Variants in SEC14L1 observed in about 807,000 individuals in gnomAD.
The protein encoded by SEC14L1 is SEC14 like lipid binding 1.
Under a neutral mutation model 85.3 loss-of-function variants are expected in SEC14L1, and 48 were observed. That is an observed-to-expected ratio of 0.56 (90% CI 0.45 to 0.72). The LOEUF is 0.72. Ranked by LOEUF, SEC14L1 falls within the 30% of genes least tolerant of loss-of-function variation. SEC14L1 has a pLI of 0.00. For synonymous variants in SEC14L1, 391 were observed against 355.5 expected, an observed-to-expected ratio of 1.10 and a Z score of -1.12; for missense variants, 682 against 921.4, an observed-to-expected ratio of 0.74 and a Z score of 3.36.
chr17:77,197,821 G>T (rs1425478469), intron 8 of SEC14L1, among the ~76,000 whole-genome samples: 2 of 152,294 alleles, frequency 1.3e-5, no homozygotes, highest in Non-Finnish European at 2.9e-5. Context: ...GGCCAGGCTG[G>T]TCTCAAACTC....
intron 5 of SEC14L1, among the ~76,000 whole-genome samples, chr17:77,192,701 C>T (rs1471769807): frequency 1.3e-5 from 2 of 151,714 alleles, no homozygotes; most frequent in South Asian, 2.1e-4. Context: ...CTTGCCCTGT[C>T]GCTCAGGCTG....
At chr17:77,103,534 T>A (rs1353406731) in intron 3 of SEC14L1, among the ~76,000 whole-genome samples, 1 of 150,124 alleles carries the variant, frequency 6.7e-6, no homozygotes, top group Non-Finnish European at 1.5e-5. Context: ...CTCTGCCTCC[T>A]GGGCTCAAGC....
chr17:77,165,084 AT>A (rs765952651), intron 3 of SEC14L1, among the ~76,000 whole-genome samples: 44 of 152,140 alleles, frequency 2.9e-4, no homozygotes, highest in Non-Finnish European at 5.6e-4. Flanking sequence ...CTTTTTCTTC[AT>A]TTATTTTATG....
rs762696555 is a variant in SEC14L1 at position 77,200,677 on chromosome 17, C to T, written c.1009+4C>T. 1.2e-6 allele frequency: 2 copies of T among 1,609,726 alleles called. No homozygotes were observed. The highest frequency in any genetic ancestry group is 1.1e-5 in the South Asian group (1 of 90,420). On this transcript the variant is annotated splice_donor_region_variant and intron_variant, in intron 9 of 16. Transcript: ENST00000436233. Reference sequence around the variant, plus strand: ...GGCTGGCATCATCACGACAAAGGTACCGGATGGAGTTGAAACTGTGTTTCC... The same window carrying T: ...GGCTGGCATCATCACGACAAAGGTATCGGATGGAGTTGAAACTGTGTTTCC...
intron 13 of SEC14L1, among the ~76,000 whole-genome samples, chr17:77,209,058 G>A (rs1976607689): frequency 1.3e-5 from 2 of 152,314 alleles, no homozygotes; most frequent in Middle Eastern, 3.4e-3. Flanking sequence ...ATATGAGTCA[G>A]CTTTAGTAAC....
chr17:77,200,453 A>G (rs754030998), intron 8 of SEC14L1, 31 bp from the exon 9 acceptor site: 36 of 1,593,516 alleles, frequency 2.3e-5, no homozygotes, highest in East Asian at 1.3e-4. Flanking sequence ...AACTTTTAAC[A>G]TTGCTTAGAA....
intron 3 of SEC14L1, among the ~76,000 whole-genome samples, chr17:77,102,925 C>G (rs1203715223): frequency 3.3e-5 from 5 of 152,056 alleles, no homozygotes; most frequent in Non-Finnish European, 5.9e-5. Flanking sequence ...ACTCAGCCTC[C>G]CAAGTAGCTG....
intron 2 of SEC14L1, among the ~76,000 whole-genome samples, chr17:77,091,574 T>G (rs1412564994): frequency 2.6e-5 from 4 of 152,224 alleles, no homozygotes; most frequent in Admixed American, 6.5e-5. Flanking sequence ...ATTTGGTGAC[T>G]GTGAGTCCAC....
At position 77,216,110 on chromosome 17, in the gene SEC14L1, C is replaced by A. The variant is rs111219013; in HGVS notation, c.*2087C>A. 2.3e-4 allele frequency: 183 copies of A among 797,872 alleles called. No individual in the cohort carries two copies. The African/African-American group carries it at 4.6e-3, about 20-fold the overall frequency. The allele number at this position is 797,872 out of a possible 1,614,324, so 49.4% of individuals were successfully genotyped here. ...GTAGGTAGGGCTAGTAGGTAGGGTT[C>A]GTAGGTAGGGTTAGTAGGTAGGGCT... On this transcript the variant is annotated 3_prime_UTR_variant, in exon 17 of 17. Coordinates refer to ENST00000436233, the MANE Select transcript of SEC14L1 (RefSeq NM_001143998.2).
Position 77,214,902 on chromosome 17 carries a change from C to A in SEC14L1, c.*879C>A, listed in dbSNP as rs1294905560. Reference sequence around the variant, plus strand: ...GTCCTCAGAGCCCAGACAGTTCCAGCCACTAGGAGGCCGTCTTGGAACCAG... The same window carrying A: ...GTCCTCAGAGCCCAGACAGTTCCAGACACTAGGAGGCCGTCTTGGAACCAG... On this transcript the variant is annotated 3_prime_UTR_variant, in exon 17 of 17. Transcript: ENST00000436233. 3.0e-6 allele frequency: 3 copies of A among 985,448 alleles called. No individual in the cohort carries two copies. In the African/African-American group the frequency reaches 5.2e-5, roughly 17 times the overall value. The allele number at this position is 985,448 out of a possible 1,614,324, so 61.0% of individuals were successfully genotyped here.
intron 3 of SEC14L1, among the ~76,000 whole-genome samples, chr17:77,104,085 A>T (rs945811677): frequency 2.0e-5 from 3 of 151,510 alleles, no homozygotes; most frequent in Non-Finnish European, 4.4e-5. Flanking sequence ...TCATCAAAGC[A>T]GAGACCGTAT....
chr17:77,125,150 GC>G (rs937124929), intron 3 of SEC14L1, among the ~76,000 whole-genome samples: 1 of 151,378 alleles, frequency 6.6e-6, no homozygotes, highest in African/African-American at 2.4e-5. Flanking sequence ...GACTACAGGC[GC>G]CCGCCCGGCT....
intron 3 of SEC14L1, among the ~76,000 whole-genome samples, chr17:77,156,653 C>CT (rs1689432486): frequency 6.7e-6 from 1 of 149,848 alleles, no homozygotes; most frequent in Admixed American, 6.6e-5. Flanking sequence ...CACTTCTTCT[C>CT]TGTCAGTGAA....
intron 3 of SEC14L1, among the ~76,000 whole-genome samples, chr17:77,174,967 A>G (rs570682082): frequency 3.9e-5 from 6 of 152,314 alleles, no homozygotes; most frequent in African/African-American, 1.4e-4. Context: ...CCAGTTGGCT[A>G]AGACTTAAAA....
chr17:77,216,335 G>A lies in SEC14L1; in HGVS notation c.*2312G>A, dbSNP rs1424973983. ...GTAGGGCTAGTAGGTAGGGCTAGTA[G>A]GTAGGGTTAGTAGGTAGGGCTAGTA... On this transcript the variant is annotated 3_prime_UTR_variant, in exon 17 of 17. Transcript: ENST00000436233. 7.5e-7 allele frequency: 1 copy of A among 1,337,846 alleles called. No homozygotes were observed. The highest frequency in any genetic ancestry group is 9.6e-7 in the Non-Finnish European group (1 of 1,043,380). 82.9% of individuals were successfully genotyped at this position (1,337,846 alleles called of 1,614,324 possible).
At chr17:77,169,547 T>G (rs1297502000) in intron 3 of SEC14L1, among the ~76,000 whole-genome samples, 1 of 152,240 alleles carries the variant, frequency 6.6e-6, no homozygotes, top group Non-Finnish European at 1.5e-5. Flanking sequence ...ATTTAATCCA[T>G]TCCAGCCAGG....
intron 11 of SEC14L1, among the ~76,000 whole-genome samples, 194 bp downstream of exon 11, chr17:77,205,540 G>A (rs1051873902): frequency 5.9e-5 from 9 of 152,194 alleles, no homozygotes; most frequent in Admixed American, 3.9e-4. Context: ...TTGCTGTGAC[G>A]TCAGCCAGAG....
chr17:77,194,700 C>G lies in SEC14L1; in HGVS notation c.498C>G (p.Tyr166Ter). The part of the protein sequence containing the change: ...IKKGKEIIEY[Y>*]LRQLEEEGIT... ...AGGGAAAGGAAATCATCGAATACTACCTTCGCCAATTAGAAGAAGAAGGCA... is the reference window on the plus strand; with the variant it reads ...AGGGAAAGGAAATCATCGAATACTAGCTTCGCCAATTAGAAGAAGAAGGCA... The change falls in exon 7 of 17, where the codon TAC becomes TAG. Residue 166 changes from tyrosine (Y) to a stop codon, truncating the protein, a stop_gained. Coordinates refer to ENST00000436233, the MANE Select transcript of SEC14L1 (RefSeq NM_001143998.2). LOFTEE classifies it high-confidence loss of function. 1.6e-5 allele frequency: 26 copies of G among 1,614,058 alleles called. No homozygotes were observed. The highest frequency in any genetic ancestry group is 2.2e-5 in the Non-Finnish European group (26 of 1,179,926).
intron 3 of SEC14L1, chr17:77,095,086 C>T (rs1971608285): frequency 6.6e-6 from 1 of 152,228 alleles, no homozygotes; most frequent in Admixed American, 6.6e-5. Flanking sequence ...GAATATGAGT[C>T]TTTGCAAGCA....
Sources: allele counts gnomAD v4.1 joint callset (sites outside exome capture counted in the v4.1 genomes callset), GRCh38; gene constraint gnomAD v4.1.1; transcripts MANE v1.5; gene names NCBI Gene and HGNC (gene_info 2026-07-23, HGNC 2026-07-21).